CSMD2: variants seen among roughly 807,000 people sequenced by gnomAD.
CSMD2 encodes CUB and sushi domain-containing protein 2.
CSMD2 carries 130 observed loss-of-function variants against 398.5 expected under a neutral mutation model. The ratio of observed to expected loss-of-function variants is 0.33; its 90% CI spans 0.28 to 0.38. The LOEUF (loss-of-function observed/expected upper bound fraction) is 0.38, where lower values mean the gene tolerates loss of function less well. Ranked by LOEUF, CSMD2 falls within the 10% of genes least tolerant of loss-of-function variation. The pLI is 1.00. For synonymous variants in CSMD2, 1,828 were observed against 1,908.5 expected, an observed-to-expected ratio of 0.96 and a Z score of 1.10; for missense variants, 3,829 against 4,764.9, an observed-to-expected ratio of 0.80 and a Z score of 5.78.
At chr1:34,084,095 G>A (rs1473104064) in intron 2 of CSMD2, among the ~76,000 whole-genome samples, 1 of 152,168 alleles carries the variant, frequency 6.6e-6, no homozygotes, top group South Asian at 2.1e-4. Flanking sequence ...AGCACAAGCA[G>A]GGAAAACCCA....
intron 2 of CSMD2, among the ~76,000 whole-genome samples, chr1:34,051,522 T>A: frequency 6.6e-6 from 1 of 152,282 alleles, no homozygotes; most frequent in Non-Finnish European, 1.5e-5. Context: ...TATTAAGTAA[T>A]ATGTATTTGT....
intron 29 of CSMD2, among the ~76,000 whole-genome samples, chr1:33,639,736 A>G (rs1053124338): frequency 6.6e-6 from 1 of 152,240 alleles, no homozygotes; most frequent in African/African-American, 2.4e-5. Context: ...ACTCTATTCT[A>G]TATTTACTCA....
intron 3 of CSMD2, among the ~76,000 whole-genome samples, chr1:33,936,751 C>T (rs116438027): frequency 0.016 from 2,471 of 152,306 alleles, 27 homozygotes; most frequent in Non-Finnish European, 0.026. Context: ...ACCCAGCTTC[C>T]CCCTGCCCTC....
intron 25 of CSMD2, among the ~76,000 whole-genome samples, chr1:33,671,644 C>T (rs1459510894): frequency 1.3e-5 from 2 of 152,178 alleles, no homozygotes; most frequent in East Asian, 1.9e-4. Context: ...CTGGCCCTCA[C>T]TCCCGTACCT....
At chr1:33,811,597 A>T (rs1443695364) in intron 9 of CSMD2, among the ~76,000 whole-genome samples, 2 of 152,196 alleles carry the variant, frequency 1.3e-5, no homozygotes, top group African/African-American at 2.4e-5. Flanking sequence ...AAGCATAAAG[A>T]TTCAAGGTGA....
chr1:33,635,680 GC>G lies in CSMD2; in HGVS notation c.4970-351del, dbSNP rs963248546. On this transcript the variant is annotated intron_variant, in intron 30 of 70. Coordinates refer to ENST00000373381, the MANE Select transcript of CSMD2 (RefSeq NM_001281956.2). The surrounding 1 kb of genome is among the most constrained non-coding windows in gnomAD (Gnocchi z 5.0). ...ACGTGGAGCCTAGAAATGATCTGCT[GC>G]CCTGGCTGACATCTAACCTGGACAG... is the stretch of plus-strand genomic sequence containing the variant. Among the ~76,000 whole-genome samples, 1 of 152,170 alleles carries G rather than the reference GC, an allele frequency of 6.6e-6. No individual in the cohort carries two copies. Among genetic ancestry groups the G allele is most frequent in the Non-Finnish European group, 1.5e-5 (1 of 68,016 alleles).
chr1:34,074,744 A>ACG lies in CSMD2; in HGVS notation c.404+14231_404+14232dup, dbSNP rs1439745346. Among the ~76,000 whole-genome samples the ACG allele has an allele frequency of 7.2e-5, 11 of 151,734 alleles. No homozygotes were observed. In the East Asian group the frequency reaches 1.7e-3, roughly 24 times the overall value. On this transcript the variant is annotated intron_variant, in intron 2 of 70. Transcript: ENST00000373381. Reference sequence around the variant, plus strand: ...GAAGAAGACACACACACACACACACACGCGTGTGTAAAACCACAAAGGGTG... The same window carrying ACG: ...GAAGAAGACACACACACACACACACACGCGCGTGTGTAAAACCACAAAGGGTG...
chr1:34,076,349 C>A (rs997960043), intron 2 of CSMD2, among the ~76,000 whole-genome samples: 2 of 152,174 alleles, frequency 1.3e-5, no homozygotes, highest in African/African-American at 4.8e-5. Flanking sequence ...AAGGTATGAA[C>A]CTCTCAAATC....
At chr1:33,736,083 C>T (rs540453125) in intron 15 of CSMD2, among the ~76,000 whole-genome samples, 7 of 152,298 alleles carry the variant, frequency 4.6e-5, no homozygotes, top group South Asian at 4.1e-4. Flanking sequence ...CTGAGAAAAC[C>T]GAGCGGGCTC....
chr1:33,611,656 ACTGCTGTTTT>A (rs1418127391), intron 40 of CSMD2, among the ~76,000 whole-genome samples: 1 of 152,176 alleles, frequency 6.6e-6, no homozygotes, highest in African/African-American at 2.4e-5. Flanking sequence ...GACCTTCAAT[ACTGCTGTTTT>A]CTAGAACTCT....
chr1:34,003,440 A>G (rs750294634), intron 3 of CSMD2, among the ~76,000 whole-genome samples: 22 of 152,180 alleles, frequency 1.4e-4, no homozygotes, highest in Non-Finnish European at 2.6e-4. Flanking sequence ...TTACACAAGC[A>G]CAGCCTGCAT....
At chr1:33,575,948 T>C (rs902656566) in intron 49 of CSMD2, among the ~76,000 whole-genome samples, 1 of 152,210 alleles carries the variant, frequency 6.6e-6, no homozygotes, top group Non-Finnish European at 1.5e-5. Flanking sequence ...TGTGATTTCC[T>C]GTTTTTGTCT....
At chr1:33,805,393 T>C (rs12567192) in intron 10 of CSMD2, among the ~76,000 whole-genome samples, 17,638 of 152,236 alleles carry the variant, frequency 0.12, 1,217 homozygotes, top group East Asian at 0.27. Context: ...TCTTTCTTTG[T>C]AAAATGTTGT....
chr1:34,085,245 G>A (rs1657727545), intron 2 of CSMD2, among the ~76,000 whole-genome samples: 1 of 152,114 alleles, frequency 6.6e-6, no homozygotes, highest in South Asian at 2.1e-4. Flanking sequence ...TGGGGTTAGG[G>A]GGGAGGGATA....
intron 1 of CSMD2, among the ~76,000 whole-genome samples, chr1:34,092,458 G>C (rs2148378784): frequency 6.6e-6 from 1 of 152,324 alleles, no homozygotes; most frequent in Middle Eastern, 3.4e-3. Flanking sequence ...CGTGAGCGAG[G>C]CAGAAGAGGG....
intron 11 of CSMD2, among the ~76,000 whole-genome samples, chr1:33,789,513 G>A (rs1337009353): frequency 1.3e-5 from 2 of 152,380 alleles, no homozygotes; most frequent in African/African-American, 4.8e-5. Flanking sequence ...GGGGTCCCCT[G>A]TGCAGGCTGG....
chr1:34,061,106 G>A (rs1012605483), intron 2 of CSMD2, among the ~76,000 whole-genome samples: 3 of 152,190 alleles, frequency 2.0e-5, no homozygotes, highest in Admixed American at 1.3e-4. Flanking sequence ...ATTGGCCAAT[G>A]TCTGAGAACA....
chr1:33,521,506 A>G lies in CSMD2; in HGVS notation c.10554T>C (p.Ser3518=), dbSNP rs766087881. ...ACTGCCCAAAGCCTTGGCCCTTGAC[A>G]GAGCCTTGGTAGATGAAGGTGGCTC... ...SSGATFIYQG[S]VKGQGFGQFG... The change falls in exon 68 of 71, where the codon TCT becomes TCC. Residue 3518 remains serine, a synonymous_variant. Coordinates refer to ENST00000373381, the MANE Select transcript of CSMD2 (RefSeq NM_001281956.2). The G allele has an allele frequency of 1.9e-6, 3 of 1,613,424 alleles. No individual in the cohort carries two copies. The Admixed American group carries it at 5.0e-5, about 27-fold the overall frequency.
chr1:33,803,309 C>T (rs1055419219), intron 10 of CSMD2, among the ~76,000 whole-genome samples: 2 of 152,174 alleles, frequency 1.3e-5, no homozygotes, highest in African/African-American at 4.8e-5. Flanking sequence ...TCTATTCTCA[C>T]CCACGTGCTG....
Sources: allele counts gnomAD v4.1 joint callset (sites outside exome capture counted in the v4.1 genomes callset), GRCh38; gene constraint gnomAD v4.1.1; non-coding constraint Gnocchi (gnomAD v3.1); transcripts MANE v1.5; gene names NCBI Gene and HGNC (gene_info 2026-07-23, HGNC 2026-07-21).